PTPN3: variants seen among roughly 807,000 people sequenced by gnomAD.
PTPN3 encodes protein tyrosine phosphatase non-receptor type 3, also known as tyrosine-protein phosphatase non-receptor type 3.
In PTPN3, 96 loss-of-function variants were observed where a neutral mutation model predicts 132.7. The ratio of observed to expected loss-of-function variants is 0.72; its 90% confidence interval spans 0.61 to 0.86. The LOEUF (loss-of-function observed/expected upper bound fraction) is 0.86. Among genes scored for constraint, PTPN3 ranks in the 40% least tolerant of loss-of-function variants. PTPN3 has a pLI of 0.00. For synonymous variants in PTPN3, 398 were observed against 429.0 expected, an observed-to-expected ratio of 0.93 and a Z score of 0.89; for missense variants, 1,125 against 1,159.6, an observed-to-expected ratio of 0.97 and a Z score of 0.43.
intron 4 of PTPN3, among the ~76,000 whole-genome samples, chr9:109,456,891 C>A (rs1268204937): frequency 1.3e-5 from 2 of 152,200 alleles, no homozygotes; most frequent in Admixed American, 1.3e-4. Flanking sequence ...CATCCTCCTT[C>A]CTTTTCCTTC....
At chr9:109,508,630 G>T in the PTPN3 span, among the ~76,000 whole-genome samples, 1 of 152,172 alleles carries the variant, frequency 6.6e-6, no homozygotes, top group Non-Finnish European at 1.5e-5. Context: ...TTGCTTTTCT[G>T]CAGTGAGCAA....
At chr9:109,515,760 CT>C in the PTPN3 span, among the ~76,000 whole-genome samples, 24 of 152,206 alleles carry the variant, frequency 1.6e-4, 1 homozygote, top group Admixed American at 1.1e-3. Flanking sequence ...GTACCATGCC[CT>C]TTTTAGCAAC....
At chr9:109,420,349 G>A (rs1842805673) in intron 14 of PTPN3, 75 bp downstream of exon 14, 1 of 1,441,880 alleles carries the variant, frequency 6.9e-7, no homozygotes, top group African/African-American at 1.4e-5. Context: ...CTCTCAAATG[G>A]CAACCTGGAC....
At chr9:109,425,973 C>T (rs1326385433) in intron 12 of PTPN3, among the ~76,000 whole-genome samples, 1 of 142,468 alleles carries the variant, frequency 7.0e-6, no homozygotes, top group Non-Finnish European at 1.5e-5. Flanking sequence ...AAGATGGCAC[C>T]ACTACACTCC....
At chr9:109,451,423 C>G (rs1845241220) in intron 5 of PTPN3, 1 of 941,710 alleles carries the variant, frequency 1.1e-6, no homozygotes, top group Non-Finnish European at 1.3e-6. Flanking sequence ...AGTTGTCAAC[C>G]AGTGAATTTT....
chr9:109,522,274 G>A, the PTPN3 span, among the ~76,000 whole-genome samples: 1 of 152,216 alleles, frequency 6.6e-6, no homozygotes. Flanking sequence ...CCAATGTCTT[G>A]TGGCATTAAG....
rs1486572946 is a variant in PTPN3, at chr9:109,436,892, G to A, written c.666C>T (p.His222=). The change falls in exon 9 of 26, where the codon CAC becomes CAT. Residue 222 remains histidine, a synonymous_variant. Transcript: ENST00000374541. ...RTLDFYGVEL[H]SGRDLHNLDL... The stretch of plus-strand genomic sequence containing the variant: ...TAACAAGAATACATACCCTACCACT[G>A]TGCAGTTCTACTCCATAGAAGTCGA... 1 of 1,613,872 alleles carries A rather than the reference G, an allele frequency of 6.2e-7. No individual in the cohort carries two copies. Among genetic ancestry groups the A allele is most frequent in the Non-Finnish European group, 8.5e-7 (1 of 1,179,962 alleles).
chr9:109,380,827 T>G (rs993195013), intron 25 of PTPN3, among the ~76,000 whole-genome samples: 1 of 152,166 alleles, frequency 6.6e-6, no homozygotes, highest in South Asian at 2.1e-4. Flanking sequence ...ACTCCTCATG[T>G]ACCCTGGGGG....
intron 9 of PTPN3, among the ~76,000 whole-genome samples, chr9:109,436,029 A>G (rs1035500281): frequency 3.9e-5 from 6 of 152,242 alleles, no homozygotes; most frequent in Non-Finnish European, 7.3e-5. Flanking sequence ...TCATCTATAA[A>G]ACGGGAATAA....
intron 1 of PTPN3, among the ~76,000 whole-genome samples, chr9:109,469,109 G>A (rs1032621067): frequency 1.3e-5 from 2 of 152,200 alleles, no homozygotes; most frequent in African/African-American, 4.8e-5. Context: ...AGAGCCCTGG[G>A]AGTCAGGGTT....
chr9:109,518,214 A>T, the PTPN3 span, among the ~76,000 whole-genome samples: 1 of 152,228 alleles, frequency 6.6e-6, no homozygotes, highest in East Asian at 1.9e-4. Flanking sequence ...GAAAGAGTCA[A>T]GAATTCTGGG....
intron 2 of PTPN3, among the ~76,000 whole-genome samples, chr9:109,462,243 G>A (rs1045289392): frequency 1.3e-5 from 2 of 152,210 alleles, no homozygotes; most frequent in Non-Finnish European, 2.9e-5. Context: ...CCAAGGCACT[G>A]GGCCACCGCC....
chr9:109,460,961 C>T lies in PTPN3; in HGVS notation c.138+2336G>A, dbSNP rs867667591. Among the ~76,000 whole-genome samples the T allele has an allele frequency of 6.6e-5, 10 of 152,116 alleles. No individual in the cohort carries two copies. The South Asian group carries it at 1.2e-3, about 19-fold the overall frequency. On this transcript the variant is annotated intron_variant, in intron 2 of 25. Coordinates refer to ENST00000374541, the MANE Select transcript of PTPN3 (RefSeq NM_002829.4). ...ATATACTAACAAACATTCATGTTTT[C>T]GTCAGGAAGAGGATAAACGGTTAAA...
intron 1 of PTPN3, among the ~76,000 whole-genome samples, chr9:109,494,480 C>T (rs912545717): frequency 1.3e-5 from 2 of 152,186 alleles, no homozygotes; most frequent in African/African-American, 2.4e-5. Context: ...AGAATCACCA[C>T]GCCTATGATC....
chr9:109,398,308 A>G (rs1394943174), intron 19 of PTPN3, among the ~76,000 whole-genome samples: 1 of 152,284 alleles, frequency 6.6e-6, no homozygotes, highest in African/African-American at 2.4e-5. Context: ...TTGAAGATAC[A>G]ATTGCTCTCA....
chr9:109,498,684 C>T (rs1847799274), upstream of PTPN3, among the ~76,000 whole-genome samples: 1 of 152,202 alleles, frequency 6.6e-6, no homozygotes, highest in African/African-American at 2.4e-5. The surrounding 1 kb of genome is among the most constrained non-coding windows in gnomAD (Gnocchi z 4.2). Flanking sequence ...CAGTCCAGTG[C>T]TCGTCCCTTG....
intron 7 of PTPN3, among the ~76,000 whole-genome samples, chr9:109,439,211 G>T (rs1453796559): frequency 6.6e-6 from 1 of 152,134 alleles, no homozygotes; most frequent in Non-Finnish European, 1.5e-5. Flanking sequence ...AAGAGCAAAG[G>T]ACCAGGCTTA....
At chr9:109,464,851 T>C (rs1193389736) in intron 1 of PTPN3, among the ~76,000 whole-genome samples, 1 of 152,234 alleles carries the variant, frequency 6.6e-6, no homozygotes, top group East Asian at 1.9e-4. Context: ...ATTCCATTTA[T>C]GTAAAGTTTA....
chr9:109,430,535 A>C (rs1390462837), intron 10 of PTPN3, among the ~76,000 whole-genome samples: 3 of 143,302 alleles, frequency 2.1e-5, no homozygotes, highest in Admixed American at 6.9e-5. Context: ...CCCTTCACTC[A>C]TTTATAAGAA....
Sources: gnomAD v4.1 joint callset for allele counts (sites outside exome capture counted in the v4.1 genomes callset) on GRCh38, gnomAD v4.1.1 for gene constraint, Gnocchi (gnomAD v3.1) non-coding constraint, MANE v1.5 for transcripts, NCBI Gene and HGNC (gene_info 2026-07-23, HGNC 2026-07-21) for gene names.